USP48: variants seen among roughly 807,000 people sequenced by gnomAD.
USP48 encodes the protein ubiquitin specific peptidase 48, also known as ubiquitin carboxyl-terminal hydrolase 48.
In USP48, 43 loss-of-function variants were observed where a neutral mutation model predicts 150.7. That is an observed-to-expected ratio of 0.29 (90% CI 0.22 to 0.37). The LOEUF (loss-of-function observed/expected upper bound fraction) is 0.37, where lower values mean the gene tolerates loss of function less well. Among genes scored for constraint, USP48 ranks in the 10% least tolerant of loss-of-function variants. The pLI, the probability that USP48 is intolerant of heterozygous loss-of-function variation, is 1.00. For missense variants in USP48, 813 were observed against 1,249.6 expected, an observed-to-expected ratio of 0.65 and a Z score of 5.27; for synonymous variants, 396 against 425.9, an observed-to-expected ratio of 0.93 and a Z score of 0.86.
At chr1:21,755,113 T>A (rs1571985668) in intron 3 of USP48, among the ~76,000 whole-genome samples, 1 of 152,210 alleles carries the variant, frequency 6.6e-6, no homozygotes, top group African/African-American at 2.4e-5. Context: ...AATTCTCAAC[T>A]TTCCCTTTTC....
chr1:21,721,604 G>A, intron 13 of USP48, 46 bp downstream of exon 13: 1 of 1,255,328 alleles, frequency 8.0e-7, no homozygotes, highest in East Asian at 2.6e-5. Context: ...ATGACCTCTT[G>A]AAAACTTCTT....
At chr1:21,707,803 A>G (rs2097677152) in intron 15 of USP48, among the ~76,000 whole-genome samples, 1 of 152,246 alleles carries the variant, frequency 6.6e-6, no homozygotes, top group Admixed American at 6.5e-5. Context: ...TCCATAATAA[A>G]TGAATTTAGA....
At chr1:21,723,243 G>A (rs146790057) in intron 12 of USP48, among the ~76,000 whole-genome samples, 1 of 152,166 alleles carries the variant, frequency 6.6e-6, no homozygotes, top group Non-Finnish European at 1.5e-5. Flanking sequence ...AGCTGGGCGG[G>A]TGTGGTGGCT....
At chr1:21,772,330 T>A (rs757966855) in intron 1 of USP48, among the ~76,000 whole-genome samples, 1 of 151,974 alleles carries the variant, frequency 6.6e-6, no homozygotes, top group Non-Finnish European at 1.5e-5. Flanking sequence ...AAATATTCAA[T>A]AAACTAGGCC....
chr1:21,690,209 G>A, intron 23 of USP48, 110 bp from the exon 24 acceptor site: 6 of 1,263,008 alleles, frequency 4.8e-6, no homozygotes, highest in African/African-American at 1.5e-5. Flanking sequence ...AGGCTTCAGA[G>A]TACAAAACCA....
In USP48 at chr1:21,782,885, G is replaced by A; in HGVS notation, c.73C>T (p.Gln25Ter). 2 of 1,557,730 alleles carry A rather than the reference G, an allele frequency of 1.3e-6. No homozygotes were observed. Among genetic ancestry groups the A allele is most frequent in the Non-Finnish European group, 1.7e-6 (2 of 1,152,244 alleles). The change falls in exon 1 of 27, where the codon CAG (glutamine) becomes TAG (stop). Residue 25 changes from glutamine (Q) to a stop codon, truncating the protein, a stop_gained. Coordinates refer to ENST00000308271, the MANE Select transcript of USP48 (RefSeq NM_032236.8). LOFTEE classifies it high-confidence loss of function. ...AETVRPEEVSQEHIETAYRIW... is the reference protein window; with the variant it reads ...AETVRPEEVS The stretch of plus-strand genomic sequence containing the variant: ...CGGTAAGCGGTCTCGATGTGCTCCT[G>A]CGACACCTCCTCGGGCCGCACCGTC...
chr1:21,682,657 A>C (rs891012340), intron 25 of USP48, among the ~76,000 whole-genome samples: 3 of 152,092 alleles, frequency 2.0e-5, no homozygotes, highest in African/African-American at 7.2e-5. Flanking sequence ...CAGGCGGATC[A>C]TGAGGTCACG....
intron 9 of USP48, among the ~76,000 whole-genome samples, chr1:21,736,121 G>C (rs2097768424): frequency 6.6e-6 from 1 of 151,916 alleles, no homozygotes; most frequent in African/African-American, 2.4e-5. Flanking sequence ...AAAAAATTTT[G>C]TCAGGTGTGG....
In USP48 at chr1:21,678,993, G is replaced by C. The variant is rs752047653; in HGVS notation, c.*424C>G. 3.2e-5 allele frequency: 7 copies of C among 218,874 alleles called. No homozygotes were observed. Among genetic ancestry groups the C allele is most frequent in the Non-Finnish European group, 5.4e-5 (6 of 111,592 alleles). The allele number at this position is 218,874 out of a possible 1,614,324, so 13.6% of individuals were successfully genotyped here. A position where few individuals can be genotyped will look rare whatever the true frequency, so the allele number is the denominator to read the frequency against. On this transcript the variant is annotated 3_prime_UTR_variant, in exon 27 of 27. Coordinates refer to ENST00000308271, the MANE Select transcript of USP48 (RefSeq NM_032236.8). ...GGTTATGTCTCTAAAATTACTTTTCGTTCAGAGCAGAATGTTGTCCCATCT... is the reference window on the plus strand; with the variant it reads ...GGTTATGTCTCTAAAATTACTTTTCCTTCAGAGCAGAATGTTGTCCCATCT...
intron 1 of USP48, among the ~76,000 whole-genome samples, chr1:21,782,434 C>A (rs1378917214): frequency 2.0e-5 from 3 of 152,174 alleles, no homozygotes; most frequent in African/African-American, 7.2e-5. Context: ...GATGATCAGG[C>A]CTTCGGTGTC....
intron 11 of USP48, chr1:21,726,355 T>C (rs2097737182): frequency 6.6e-6 from 1 of 152,200 alleles, no homozygotes; most frequent in South Asian, 2.1e-4. Flanking sequence ...AGCTTGTTGT[T>C]TTGGTTTTTG....
intron 6 of USP48, 35 bp downstream of exon 6, chr1:21,751,472 G>A (rs1375572882): frequency 1.3e-6 from 2 of 1,486,162 alleles, no homozygotes; most frequent in East Asian, 2.3e-5. Flanking sequence ...AACTGTTAAT[G>A]GGCAGGAACA....
intron 8 of USP48, among the ~76,000 whole-genome samples, chr1:21,739,088 T>C (rs1557538090): frequency 6.6e-6 from 1 of 152,132 alleles, no homozygotes; most frequent in Non-Finnish European, 1.5e-5. Flanking sequence ...CTGCGAGTGT[T>C]AGGGGAACAC....
At chr1:21,740,897 C>T (rs1046872448) in intron 8 of USP48, among the ~76,000 whole-genome samples, 62 of 152,146 alleles carry the variant, frequency 4.1e-4, no homozygotes, top group Admixed American at 3.3e-4. Context: ...ATGGTTTAAC[C>T]TCAGATCAGG....
intron 8 of USP48, among the ~76,000 whole-genome samples, chr1:21,739,232 C>T (rs1009120625): frequency 9.9e-5 from 15 of 151,466 alleles, no homozygotes; most frequent in African/African-American, 3.6e-4. Context: ...TTTTAATTGA[C>T]AAACAGGCTG....
At chr1:21,705,305 T>C (rs2097669042) in intron 19 of USP48, among the ~76,000 whole-genome samples, 1 of 152,182 alleles carries the variant, frequency 6.6e-6, no homozygotes, top group Non-Finnish European at 1.5e-5. Flanking sequence ...TCTAAGACCC[T>C]AGAATTCCAG....
intron 1 of USP48, among the ~76,000 whole-genome samples, chr1:21,769,795 T>C (rs190943738): frequency 2.6e-5 from 4 of 152,002 alleles, no homozygotes; most frequent in African/African-American, 9.7e-5. Context: ...AAGGACCACT[T>C]AGACAGACCC....
chr1:21,685,581 C>T (rs2152493938), intron 25 of USP48, among the ~76,000 whole-genome samples: 1 of 152,294 alleles, frequency 6.6e-6, no homozygotes, highest in South Asian at 2.1e-4. Flanking sequence ...TCCCAAAGTG[C>T]TGGGATTACA....
Position 21,753,006 on chromosome 1 carries a change from T to C in USP48, c.526A>G (p.Thr176Ala). Residue 176 changes from threonine to alanine, a missense_variant, in exon 4 of 27, where the codon ACT (threonine) becomes GCT (alanine). Transcript: ENST00000308271. The part of the protein sequence containing the change: ...SGFVKALGLD[T>A]GQQQDAQEFS... ...TCAGTTCTTACCTGCTGTTGTCCAGTGTCCAGGCCCAAGGCTTTAACAAAT... is the reference window on the plus strand; with the variant it reads ...TCAGTTCTTACCTGCTGTTGTCCAGCGTCCAGGCCCAAGGCTTTAACAAAT... 6.3e-7 allele frequency: 1 copy of C among 1,592,298 alleles called. No individual in the cohort carries two copies. Among genetic ancestry groups the C allele is most frequent in the East Asian group, 2.2e-5 (1 of 44,572 alleles).
Sources: gnomAD v4.1 joint callset for allele counts (sites outside exome capture counted in the v4.1 genomes callset) on GRCh38, gnomAD v4.1.1 for gene constraint, MANE v1.5 for transcripts, NCBI Gene and HGNC (gene_info 2026-07-23, HGNC 2026-07-21) for gene names.